The following PPP2R2C variants were observed in gnomAD, a reference collection of about 807,000 sequenced individuals.
The protein encoded by PPP2R2C is protein phosphatase 2, regulatory subunit B, gamma.
Under a neutral mutation model 45.3 loss-of-function variants are expected in PPP2R2C, and 10 were observed. The observed-to-expected ratio is 0.22, with a 90% CI of 0.14 to 0.37. The LOEUF (loss-of-function observed/expected upper bound fraction) is 0.37, where lower values mean the gene tolerates loss of function less well. Ranked by LOEUF, PPP2R2C falls within the 10% of genes least tolerant of loss-of-function variation. The pLI is 1.00. For synonymous variants in PPP2R2C, 257 were observed against 245.4 expected (o/e 1.05, Z -0.44); for missense variants, 308 against 619.7 (o/e 0.50, Z 5.34).
intron 1 of PPP2R2C, chr4:6,383,227 G>A (rs1715982815): frequency 8.3e-7 from 1 of 1,204,960 alleles, no homozygotes; most frequent in Non-Finnish European, 1.1e-6. Context: ...AAGAGTGGGT[G>A]CAGAAGAACC....
intron 1 of PPP2R2C, among the ~76,000 whole-genome samples, chr4:6,425,488 T>C (rs181827126): frequency 6.6e-6 from 1 of 152,104 alleles, no homozygotes. Context: ...TCTGGGGGTG[T>C]CCCCACCAGC....
At chr4:6,544,418 C>T (rs1724908447) in intron 1 of PPP2R2C, among the ~76,000 whole-genome samples, 1 of 152,288 alleles carries the variant, frequency 6.6e-6, no homozygotes, top group Admixed American at 6.5e-5. Flanking sequence ...TCACGGCTCA[C>T]CGCAGCCCCA....
chr4:6,381,404 T>C, intron 1 of PPP2R2C: 1 of 1,430,086 alleles, frequency 7.0e-7, no homozygotes, highest in South Asian at 1.3e-5. Flanking sequence ...CGGTGGTATC[T>C]GAAGCCACCT....
At chr4:6,463,312 C>G (rs745921996) in intron 1 of PPP2R2C, among the ~76,000 whole-genome samples, 26 of 151,884 alleles carry the variant, frequency 1.7e-4, no homozygotes, top group Non-Finnish European at 3.7e-4. Flanking sequence ...GGCCTGGGAG[C>G]CCAAGCCCAG....
chr4:6,461,166 C>T (rs1721300657), intron 1 of PPP2R2C, among the ~76,000 whole-genome samples: 1 of 152,208 alleles, frequency 6.6e-6, no homozygotes, highest in South Asian at 2.1e-4. Flanking sequence ...ACCTCCTAGC[C>T]ACCGCATGAC....
At chr4:6,384,536 A>G (rs1441179971) in intron 1 of PPP2R2C, 18 of 977,470 alleles carry the variant, frequency 1.8e-5, no homozygotes, top group Non-Finnish European at 2.1e-5. Context: ...CGCTGCACAT[A>G]CTTAATGTAT....
intron 1 of PPP2R2C, chr4:6,535,512 C>A: frequency 1.6e-6 from 1 of 613,198 alleles, no homozygotes; most frequent in East Asian, 3.1e-5. Context: ...TCCAGCCAGC[C>A]CTGGGCCAGG....
At chr4:6,407,420 G>A (rs1717870755) in intron 1 of PPP2R2C, among the ~76,000 whole-genome samples, 1 of 152,158 alleles carries the variant, frequency 6.6e-6, no homozygotes, top group African/African-American at 2.4e-5. Flanking sequence ...TTTTCAGATG[G>A]AGTCTCACTC....
At chr4:6,538,378 G>A (rs1244868261) in intron 1 of PPP2R2C, among the ~76,000 whole-genome samples, 2 of 152,078 alleles carry the variant, frequency 1.3e-5, no homozygotes, top group African/African-American at 2.4e-5. Context: ...AAGTTCCACC[G>A]ACACACAGGT....
At chr4:6,337,493 T>C (rs1733071129) in intron 6 of PPP2R2C, among the ~76,000 whole-genome samples, 1 of 151,406 alleles carries the variant, frequency 6.6e-6, no homozygotes, top group Admixed American at 6.6e-5. Context: ...CGGAGGTGAG[T>C]CCAAAACTGA....
At position 6,368,367 on chromosome 4, in the gene PPP2R2C, C is replaced by T. The variant is rs1357352842; in HGVS notation, c.625+4156G>A. Among the ~76,000 whole-genome samples, 3 of 152,162 alleles carry T rather than the reference C, an allele frequency of 2.0e-5. No individual in the cohort carries two copies. Among genetic ancestry groups the T allele is most frequent in the Admixed American group, 1.3e-4 (2 of 15,276 alleles). On this transcript the variant is annotated intron_variant, in intron 5 of 8. Coordinates refer to ENST00000382599, the MANE Select transcript of PPP2R2C (RefSeq NM_020416.4). This position sits in a 1 kb window ranked among gnomAD's most constrained non-coding sequence, Gnocchi z 4.2. ...ACCCACGGACCACCTGCTCCAATGCCGGGTATTTTACCAATGGTTTATCAC... is the reference window on the plus strand; with the variant it reads ...ACCCACGGACCACCTGCTCCAATGCTGGGTATTTTACCAATGGTTTATCAC...
chr4:6,503,095 C>A (rs934632379), intron 2 of PPP2R2C, among the ~76,000 whole-genome samples: 1 of 152,188 alleles, frequency 6.6e-6, no homozygotes, highest in Non-Finnish European at 1.5e-5. Context: ...CCAATCCATG[C>A]CACTGCTGCA....
intron 2 of PPP2R2C, 130 bp downstream of exon 2, chr4:6,380,867 A>C: frequency 1.5e-6 from 2 of 1,348,468 alleles, no homozygotes; most frequent in East Asian, 2.6e-5. Flanking sequence ...GGGTTGGAGT[A>C]TAGTCCCCTC....
At chr4:6,381,830 A>G (rs1715820895) in intron 1 of PPP2R2C, 1 of 1,613,784 alleles carries the variant, frequency 6.2e-7, no homozygotes, top group Non-Finnish European at 8.5e-7. Context: ...GTGTTTGGAG[A>G]AAAAAGACAG....
intron 1 of PPP2R2C, among the ~76,000 whole-genome samples, chr4:6,414,346 C>G (rs1328734211): frequency 6.6e-6 from 1 of 152,110 alleles, no homozygotes; most frequent in Non-Finnish European, 1.5e-5. Context: ...ACTCTCTGAT[C>G]ATGTGCACGG....
chr4:6,445,850 T>C (rs1255354910), intron 1 of PPP2R2C, among the ~76,000 whole-genome samples: 1 of 152,250 alleles, frequency 6.6e-6, no homozygotes, highest in East Asian at 1.9e-4. Context: ...AAGGGAGGGC[T>C]GGGGTCCTCA....
intron 1 of PPP2R2C, among the ~76,000 whole-genome samples, chr4:6,390,668 G>A (rs372921158): frequency 6.6e-6 from 1 of 152,176 alleles, no homozygotes; most frequent in African/African-American, 2.4e-5. Context: ...TCAGAAAGAC[G>A]AAGACCTCAT....
intron 5 of PPP2R2C, among the ~76,000 whole-genome samples, chr4:6,357,015 G>A (rs1713265957): frequency 6.6e-6 from 1 of 151,588 alleles, no homozygotes; most frequent in East Asian, 1.9e-4. Context: ...TCAGGGAGCA[G>A]GAGGAGAAAG....
chr4:6,454,186 C>G (rs1478187448), intron 1 of PPP2R2C, among the ~76,000 whole-genome samples: 1 of 152,156 alleles, frequency 6.6e-6, no homozygotes, highest in African/African-American at 2.4e-5. Flanking sequence ...CTTGGCTCTG[C>G]CCAGGGCGTC....
Sources: gnomAD v4.1 joint callset for allele counts (sites outside exome capture counted in the v4.1 genomes callset) on GRCh38, gnomAD v4.1.1 for gene constraint, Gnocchi (gnomAD v3.1) non-coding constraint, MANE v1.5 for transcripts, NCBI Gene and HGNC (gene_info 2026-07-23, HGNC 2026-07-21) for gene names.